The following CSMD1 variants were observed in gnomAD, a reference collection of about 807,000 sequenced individuals.
CSMD1 encodes the protein CUB and sushi domain-containing protein 1.
Under a neutral mutation model 417.5 loss-of-function variants are expected in CSMD1, and 213 were observed. The ratio of observed to expected loss-of-function variants is 0.51; its 90% CI spans 0.46 to 0.57. The LOEUF is 0.57. CSMD1 is among the 20% of genes least tolerant of loss of function. The probability of loss-of-function intolerance (pLI) is 0.00; values close to 1 mark genes in which losing one functional copy is unlikely to be tolerated. For missense variants in CSMD1, 6,923 were observed against 4,529.7 expected (o/e 1.53, Z -15.17); for synonymous variants, 2,862 against 1,736.8 (o/e 1.65, Z -16.11).
At chr8:3,615,803 A>G (rs1227437685) in intron 8 of CSMD1, among the ~76,000 whole-genome samples, 3 of 152,092 alleles carry the variant, frequency 2.0e-5, no homozygotes, top group South Asian at 2.1e-4. Context: ...GGAAAAACAC[A>G]TATCTTGTTT....
intron 1 of CSMD1, among the ~76,000 whole-genome samples, chr8:4,672,095 T>G (rs1196737026): frequency 6.6e-6 from 1 of 152,208 alleles, no homozygotes; most frequent in East Asian, 1.9e-4. Context: ...TTCGGCTTTC[T>G]ACAGTGACAG....
At chr8:3,218,177 C>G (rs1797990533) in intron 29 of CSMD1, among the ~76,000 whole-genome samples, 1 of 152,132 alleles carries the variant, frequency 6.6e-6, no homozygotes, top group Admixed American at 6.5e-5. Flanking sequence ...GAAAAGAGCT[C>G]TGAGCAGCGT....
At chr8:4,550,758 T>C (rs1189264915) in intron 2 of CSMD1, among the ~76,000 whole-genome samples, 1 of 152,202 alleles carries the variant, frequency 6.6e-6, no homozygotes, top group East Asian at 1.9e-4. Flanking sequence ...CTTTTTCTTC[T>C]GAGCCCGGAG....
At chr8:2,986,507 T>G (rs1271690087) in intron 54 of CSMD1, among the ~76,000 whole-genome samples, 1 of 152,046 alleles carries the variant, frequency 6.6e-6, no homozygotes, top group Non-Finnish European at 1.5e-5. Flanking sequence ...GTTCATTTAT[T>G]TTTTATTTTT....
chr8:3,369,983 A>G (rs1809845235), intron 18 of CSMD1, among the ~76,000 whole-genome samples: 2 of 152,330 alleles, frequency 1.3e-5, no homozygotes, highest in Admixed American at 6.5e-5. Flanking sequence ...GATAAAATCC[A>G]TCTCATGGAT....
At chr8:3,942,439 C>G (rs77920709) in intron 5 of CSMD1, among the ~76,000 whole-genome samples, 1 of 152,002 alleles carries the variant, frequency 6.6e-6, no homozygotes, top group Non-Finnish European at 1.5e-5. Context: ...GGTACCTGAA[C>G]CACACCACAC....
At chr8:3,522,911 T>C (rs926966699) in intron 10 of CSMD1, among the ~76,000 whole-genome samples, 7 of 150,188 alleles carry the variant, frequency 4.7e-5, no homozygotes, top group East Asian at 1.9e-4. Flanking sequence ...TATATTATCA[T>C]GTATAAAATA....
At chr8:4,664,127 G>C (rs950515545) in intron 1 of CSMD1, among the ~76,000 whole-genome samples, 2 of 152,142 alleles carry the variant, frequency 1.3e-5, no homozygotes, top group African/African-American at 4.8e-5. Flanking sequence ...TCTCACACCT[G>C]GACAGGTACA....
chr8:4,556,403 A>C (rs1798088896), intron 2 of CSMD1, among the ~76,000 whole-genome samples: 1 of 152,170 alleles, frequency 6.6e-6, no homozygotes, highest in Non-Finnish European at 1.5e-5. Context: ...GTAAGCTGGC[A>C]AGACTACACG....
At chr8:3,114,063 A>T (rs540112302) in intron 42 of CSMD1, among the ~76,000 whole-genome samples, 2 of 151,602 alleles carry the variant, frequency 1.3e-5, no homozygotes, top group Admixed American at 6.6e-5. Context: ...TAAAACAAAC[A>T]AACAAACAAA....
At chr8:4,750,045 C>G (rs975669503) in intron 1 of CSMD1, among the ~76,000 whole-genome samples, 3 of 151,008 alleles carry the variant, frequency 2.0e-5, no homozygotes, top group Non-Finnish European at 4.4e-5. Context: ...CTCGCTCTGT[C>G]GCCCAGGCTG....
At position 3,688,133 on chromosome 8, in the gene CSMD1, C is replaced by T. The variant is rs150047053; in HGVS notation, c.1009+20281G>A. Among the ~76,000 whole-genome samples, 28 of 152,278 alleles carry T rather than the reference C, an allele frequency of 1.8e-4. No homozygotes were observed. The East Asian group carries it at 5.2e-3, about 28-fold the overall frequency. ...GTGCTTATCTGCTTCGAAGTAATTGCAATACCTTATATTTAGACACAATAA... is the reference window on the plus strand; with the variant it reads ...GTGCTTATCTGCTTCGAAGTAATTGTAATACCTTATATTTAGACACAATAA... On this transcript the variant is annotated intron_variant, in intron 7 of 69. Coordinates refer to ENST00000635120, the MANE Select transcript of CSMD1 (RefSeq NM_033225.6).
intron 3 of CSMD1, among the ~76,000 whole-genome samples, chr8:4,081,921 C>G (rs1427558003): frequency 3.9e-5 from 6 of 152,114 alleles, no homozygotes; most frequent in African/African-American, 1.4e-4. Context: ...GAGTGTGTAG[C>G]TTAAATACTT....
chr8:4,453,492 A>G (rs1225702731), intron 2 of CSMD1, among the ~76,000 whole-genome samples: 3 of 152,200 alleles, frequency 2.0e-5, no homozygotes, highest in Non-Finnish European at 4.4e-5. Flanking sequence ...ATTCAAAGCC[A>G]TGCATCCTTC....
rs537665732 is a variant in CSMD1, at chr8:3,238,677, G to C, written c.4154-8446C>G. Among the ~76,000 whole-genome samples the C allele has an allele frequency of 2.0e-5, 3 of 152,198 alleles. No individual in the cohort carries two copies. In the East Asian group the frequency reaches 5.8e-4, roughly 29 times the overall value. ...GCCTGGATACAGTTTTGTATGAATT[G>C]AAAAACTAAACGGAATAAGAGGAGA... On this transcript the variant is annotated intron_variant, in intron 26 of 69. Transcript: ENST00000635120.
chr8:3,884,926 T>TTC (rs10640993), intron 5 of CSMD1, among the ~76,000 whole-genome samples: 25,596 of 139,048 alleles, frequency 0.18, 2,533 homozygotes, highest in African/African-American at 0.28. Flanking sequence ...TATATATATA[T>TTC]ATATTCATAT....
At chr8:4,535,835 G>C (rs1278256173) in intron 2 of CSMD1, among the ~76,000 whole-genome samples, 2 of 152,110 alleles carry the variant, frequency 1.3e-5, no homozygotes, top group African/African-American at 2.4e-5. Flanking sequence ...TACATCGTGA[G>C]TTCACACTCC....
At chr8:3,634,697 A>G (rs1796947356) in intron 7 of CSMD1, among the ~76,000 whole-genome samples, 1 of 139,068 alleles carries the variant, frequency 7.2e-6, no homozygotes, top group Non-Finnish European at 1.5e-5. Flanking sequence ...GAAAGGTGTG[A>G]TTAGAACTGT....
intron 2 of CSMD1, among the ~76,000 whole-genome samples, chr8:4,472,973 A>G (rs936450217): frequency 6.6e-6 from 1 of 151,866 alleles, no homozygotes; most frequent in Non-Finnish European, 1.5e-5. Flanking sequence ...TTTATATTTC[A>G]TATATATTAT....
Sources: allele counts gnomAD v4.1 joint callset (sites outside exome capture counted in the v4.1 genomes callset), GRCh38; gene constraint gnomAD v4.1.1; transcripts MANE v1.5; gene names NCBI Gene and HGNC (gene_info 2026-07-23, HGNC 2026-07-21).